The following SDK1 variants were observed in gnomAD, a reference collection of about 807,000 sequenced individuals.
SDK1 encodes protein sidekick-1.
In SDK1, 157 loss-of-function variants were observed where a neutral mutation model predicts 245.5. The observed-to-expected ratio is 0.64, with a 90% CI of 0.56 to 0.73. SDK1 has a LOEUF of 0.73. SDK1 is among the 30% of genes least tolerant of loss of function. The pLI is 0.00. For synonymous variants in SDK1, 1,647 were observed against 1,278.5 expected (o/e 1.29, Z -6.15); for missense variants, 3,583 against 3,002.3 (o/e 1.19, Z -4.52).
At chr7:3,559,566 C>T (rs1032135689) in intron 1 of SDK1, among the ~76,000 whole-genome samples, 4 of 152,084 alleles carry the variant, frequency 2.6e-5, no homozygotes, top group African/African-American at 7.2e-5. Context: ...CATTCATTGA[C>T]GCTCTTTTCT....
intron 1 of SDK1, among the ~76,000 whole-genome samples, chr7:3,446,456 C>G (rs142751901): frequency 6.6e-6 from 1 of 152,034 alleles, no homozygotes; most frequent in Non-Finnish European, 1.5e-5. Flanking sequence ...CATCTTACAG[C>G]AAAAATTACA....
chr7:4,006,918 G>A (rs1785525995), intron 14 of SDK1, among the ~76,000 whole-genome samples: 1 of 152,214 alleles, frequency 6.6e-6, no homozygotes, highest in South Asian at 2.1e-4. Context: ...ATGGGGCCGA[G>A]GGCGGGAAAG....
At chr7:4,161,952 C>A (rs1258061188) in intron 32 of SDK1, 96 bp downstream of exon 32, 2 of 1,110,940 alleles carry the variant, frequency 1.8e-6, no homozygotes, top group Non-Finnish European at 1.4e-6. Flanking sequence ...AAGCTGAGCC[C>A]TGAGCTAAGC....
At chr7:3,330,252 G>C (rs1427119684) in intron 1 of SDK1, among the ~76,000 whole-genome samples, 1 of 152,168 alleles carries the variant, frequency 6.6e-6, no homozygotes, top group Non-Finnish European at 1.5e-5. Context: ...TTAAGCATTT[G>C]ATGAACTGCT....
At chr7:4,205,795 T>C in intron 35 of SDK1, 84 bp from the exon 36 acceptor site, 1 of 1,111,840 alleles carries the variant, frequency 9.0e-7, no homozygotes. Flanking sequence ...TAGGGCATGC[T>C]CGAGCCCCAT....
At chr7:4,065,718 T>TG (rs1562755637) in intron 19 of SDK1, among the ~76,000 whole-genome samples, 12 of 107,986 alleles carry the variant, frequency 1.1e-4, no homozygotes, top group Non-Finnish European at 2.1e-4. Context: ...TTTTTTTTTT[T>TG]TTTTTTTTTT....
intron 35 of SDK1, among the ~76,000 whole-genome samples, chr7:4,188,774 T>G (rs541394328): frequency 1.3e-5 from 2 of 152,364 alleles, no homozygotes; most frequent in East Asian, 3.9e-4. Flanking sequence ...ATGGATCATT[T>G]GTTTCCAGAG....
At chr7:3,328,031 A>G (rs1779977612) in intron 1 of SDK1, among the ~76,000 whole-genome samples, 1 of 152,112 alleles carries the variant, frequency 6.6e-6, no homozygotes, top group Non-Finnish European at 1.5e-5. Context: ...TTAGATTACT[A>G]TGTGGAGCAT....
chr7:3,347,298 T>C (rs957442403), intron 1 of SDK1, among the ~76,000 whole-genome samples: 1 of 152,136 alleles, frequency 6.6e-6, no homozygotes, highest in Non-Finnish European at 1.5e-5. Flanking sequence ...CTCTTTTGTA[T>C]ATGGAGCAGT....
intron 22 of SDK1, among the ~76,000 whole-genome samples, chr7:4,083,791 C>T (rs941883495): frequency 4.3e-3 from 63 of 14,496 alleles, no homozygotes; most frequent in African/African-American, 0.015. Context: ...CCCTCCTTTC[C>T]TCTCTCCCTC....
chr7:3,384,922 C>G (rs370590336), intron 1 of SDK1, among the ~76,000 whole-genome samples: 4 of 152,164 alleles, frequency 2.6e-5, no homozygotes, highest in African/African-American at 9.7e-5. Flanking sequence ...GAGAGAGTTT[C>G]ACCAGTCTGT....
intron 5 of SDK1, among the ~76,000 whole-genome samples, chr7:3,852,177 CTT>C (rs529182426): frequency 1.0e-4 from 14 of 135,112 alleles, no homozygotes; most frequent in African/African-American, 8.1e-5. Flanking sequence ...TGGGTCTAGG[CTT>C]TTTTTTTTTT....
At chr7:3,484,635 A>G (rs972519849) in intron 1 of SDK1, among the ~76,000 whole-genome samples, 3 of 152,180 alleles carry the variant, frequency 2.0e-5, no homozygotes, top group Non-Finnish European at 4.4e-5. Flanking sequence ...TTTTGTATCC[A>G]TAACCAACCT....
At chr7:3,461,887 A>G (rs900230535) in intron 1 of SDK1, among the ~76,000 whole-genome samples, 23 of 152,028 alleles carry the variant, frequency 1.5e-4, no homozygotes, top group African/African-American at 5.6e-4. Context: ...CTATCAATTT[A>G]TCTTTTCCCT....
intron 1 of SDK1, among the ~76,000 whole-genome samples, chr7:3,516,295 T>C (rs938344769): frequency 2.4e-4 from 36 of 152,052 alleles, no homozygotes; most frequent in African/African-American, 8.4e-4. Flanking sequence ...TGTTTACTTA[T>C]ACATGCAGCT....
At chr7:3,433,782 C>G (rs796359515) in intron 1 of SDK1, among the ~76,000 whole-genome samples, 3 of 151,516 alleles carry the variant, frequency 2.0e-5, no homozygotes, top group Non-Finnish European at 4.4e-5. Context: ...AAATTTGAGA[C>G]GTTCTCATCT....
At chr7:4,135,257 A>T (rs4723420) in intron 28 of SDK1, among the ~76,000 whole-genome samples, 96,748 of 152,102 alleles carry the variant, frequency 0.64, 31,236 homozygotes, top group East Asian at 0.9. Context: ...GATAATGCCA[A>T]GTTTACATGA....
intron 1 of SDK1, among the ~76,000 whole-genome samples, chr7:3,476,944 A>G (rs1455259777): frequency 2.0e-5 from 3 of 152,174 alleles, no homozygotes; most frequent in African/African-American, 7.2e-5. Flanking sequence ...AGGCCTAAGG[A>G]CGGAGACTCT....
intron 22 of SDK1, among the ~76,000 whole-genome samples, chr7:4,105,208 C>T (rs1306220032): frequency 6.6e-6 from 1 of 151,962 alleles, no homozygotes; most frequent in Non-Finnish European, 1.5e-5. Context: ...ATCTTGAACT[C>T]CTGACCTCCG....
Sources: gnomAD v4.1 joint callset for allele counts (sites outside exome capture counted in the v4.1 genomes callset) on GRCh38, gnomAD v4.1.1 for gene constraint, MANE v1.5 for transcripts, NCBI Gene and HGNC (gene_info 2026-07-23, HGNC 2026-07-21) for gene names.